Variants in LYN observed in about 807,000 individuals in gnomAD.
The protein encoded by LYN is tyrosine-protein kinase Lyn.
A neutral mutation model predicts 65.0 loss-of-function variants in LYN; 12 were observed. The observed-to-expected ratio is 0.18, with a 90% CI of 0.12 to 0.30. LYN has a LOEUF of 0.30. LYN is among the 10% of genes least tolerant of loss of function. The pLI, the probability that LYN is intolerant of heterozygous loss-of-function variation, is 1.00. For synonymous variants in LYN, 222 were observed against 221.2 expected (o/e 1.00, Z -0.03); for missense variants, 380 against 623.2 (o/e 0.61, Z 4.16).
At chr8:55,988,727 C>T (rs1808154326) in intron 10 of LYN, among the ~76,000 whole-genome samples, 2 of 152,028 alleles carry the variant, frequency 1.3e-5, no homozygotes, top group Non-Finnish European at 2.9e-5. Context: ...AGACAGGTTG[C>T]GTTTTCAGTT....
At chr8:55,907,230 C>A (rs1310363132) in intron 1 of LYN, among the ~76,000 whole-genome samples, 2 of 152,150 alleles carry the variant, frequency 1.3e-5, no homozygotes, top group African/African-American at 4.8e-5. Flanking sequence ...TTGATATATT[C>A]ATAAAATGGG....
chr8:55,987,220 C>T (rs1161959716), intron 10 of LYN, among the ~76,000 whole-genome samples: 1 of 151,962 alleles, frequency 6.6e-6, no homozygotes, highest in African/African-American at 2.4e-5. Context: ...CGAGACCACA[C>T]TGGGGAACAT....
chr8:55,986,185 T>TCCCC lies in LYN; in HGVS notation c.1051-12157_1051-12154dup, dbSNP rs66520008. On this transcript the variant is annotated intron_variant, in intron 10 of 12. Transcript: ENST00000519728. ...GTCTCAAAAAAAAAATCCACCAGAA[T>TCCCC]CCCCCCCGCAAAAAAAAACGCTACC... 8.7e-3 allele frequency among the ~76,000 whole-genome samples: 1,230 copies of TCCCC among 141,840 alleles called. 18 individuals carry two copies. The highest frequency in any genetic ancestry group is 0.015 in the Non-Finnish European group (941 of 64,726). The allele number at this position is 141,840 out of a possible 152,430, so 93.1% of individuals were successfully genotyped here. A position where few individuals can be genotyped will look rare whatever the true frequency, so the allele number is the denominator to read the frequency against.
intron 10 of LYN, among the ~76,000 whole-genome samples, chr8:55,975,368 G>A (rs1335125923): frequency 6.6e-6 from 1 of 152,176 alleles, no homozygotes; most frequent in Non-Finnish European, 1.5e-5. Flanking sequence ...TCACTTTGTG[G>A]GCACCAGTGT....
chr8:55,941,914 T>A lies in LYN; in HGVS notation c.55T>A (p.Leu19Met). The change falls in exon 2 of 13, where the codon TTG becomes ATG. Residue 19 changes from leucine (L) to methionine (M), a missense_variant. Coordinates refer to ENST00000519728, the MANE Select transcript of LYN (RefSeq NM_002350.4). ...CAGCTTGAGTGACGATGGAGTAGAT[T>A]TGAAGACTCAACCAGTACGTAATAC... ...KDSLSDDGVD[L>M]KTQPVRNTER... The A allele has an allele frequency of 1.2e-6, 2 of 1,612,776 alleles. No homozygotes were observed. Among genetic ancestry groups the A allele is most frequent in the Non-Finnish European group, 1.7e-6 (2 of 1,178,948 alleles).
chr8:56,003,673 CAAA>C (rs1433810331), intron 12 of LYN, among the ~76,000 whole-genome samples: 1 of 86,468 alleles, frequency 1.2e-5, no homozygotes, highest in African/African-American at 4.5e-5. Context: ...GACTCTGTCT[CAAA>C]AAAAAAAAAA....
At chr8:55,901,119 G>A (rs755781051) in intron 1 of LYN, among the ~76,000 whole-genome samples, 3 of 152,150 alleles carry the variant, frequency 2.0e-5, no homozygotes, top group South Asian at 2.1e-4. Context: ...TGGGCACTTC[G>A]TGGCCGTGTG....
chr8:56,006,499 A>G (rs1808677795), intron 12 of LYN, among the ~76,000 whole-genome samples: 2 of 152,108 alleles, frequency 1.3e-5, no homozygotes, highest in African/African-American at 4.8e-5. Flanking sequence ...TCTCTACTGT[A>G]CCACATTTTT....
intron 1 of LYN, among the ~76,000 whole-genome samples, chr8:55,917,722 C>T (rs1320785496): frequency 6.6e-6 from 1 of 152,126 alleles, no homozygotes; most frequent in Non-Finnish European, 1.5e-5. Context: ...CAGGAAGGAT[C>T]CCAGATTCAA....
chr8:55,981,439 G>A (rs756231240), intron 10 of LYN, among the ~76,000 whole-genome samples: 18 of 152,134 alleles, frequency 1.2e-4, no homozygotes, highest in South Asian at 2.1e-4. Flanking sequence ...ACTATATTCC[G>A]TTTAAAACAA....
rs1333658410 is a variant in LYN, at chr8:55,911,076, T to TATACACACAC, written c.-5-30778_-5-30777insTACACACACA. Among the ~76,000 whole-genome samples the TATACACACAC allele has an allele frequency of 0.048, 477 of 10,008 alleles. 121 individuals carry two copies. In the East Asian group the frequency reaches 0.62, roughly 13 times the overall value. 6.6% of individuals were successfully genotyped at this position (10,008 alleles called of 152,430 possible). A position where few individuals can be genotyped will look rare whatever the true frequency, so the allele number is the denominator to read the frequency against. The stretch of plus-strand genomic sequence containing the variant: ...CATGTCCGGCTAATTTATATATATA[T>TATACACACAC]ACATACATATATATATATATATACA... On this transcript the variant is annotated intron_variant, in intron 1 of 12. Coordinates refer to ENST00000519728, the MANE Select transcript of LYN (RefSeq NM_002350.4).
intron 9 of LYN, among the ~76,000 whole-genome samples, chr8:55,968,844 C>G (rs112159623): frequency 6.6e-6 from 1 of 152,326 alleles, no homozygotes; most frequent in East Asian, 1.9e-4. Context: ...CCAAGGCTAC[C>G]CGTAAGGCTG....
chr8:55,980,018 C>T (rs1470708948), intron 10 of LYN, among the ~76,000 whole-genome samples: 4 of 152,214 alleles, frequency 2.6e-5, no homozygotes, highest in South Asian at 2.1e-4. Flanking sequence ...GGCTCAGAGC[C>T]CATGTGCACA....
At chr8:55,969,198 G>A (rs888571253) in intron 9 of LYN, among the ~76,000 whole-genome samples, 2 of 152,202 alleles carry the variant, frequency 1.3e-5, no homozygotes, top group Non-Finnish European at 2.9e-5. Context: ...GCTTGAGCTT[G>A]GGAGGCTGAT....
intron 1 of LYN, among the ~76,000 whole-genome samples, chr8:55,882,699 T>G (rs1804685818): frequency 1.3e-5 from 2 of 152,224 alleles, no homozygotes; most frequent in African/African-American, 4.8e-5. Context: ...TTAGCACCTT[T>G]CATTTGTTCA....
At chr8:55,888,405 G>C (rs1465489481) in intron 1 of LYN, among the ~76,000 whole-genome samples, 1 of 152,162 alleles carries the variant, frequency 6.6e-6, no homozygotes, top group Non-Finnish European at 1.5e-5. Flanking sequence ...TTAACGAAGG[G>C]GAATCACTGG....
intron 10 of LYN, among the ~76,000 whole-genome samples, chr8:55,977,196 TAAAAATAAAAATAAACTA>T: frequency 6.6e-6 from 1 of 151,476 alleles, no homozygotes; most frequent in Non-Finnish European, 1.5e-5. Flanking sequence ...AAAAAAAAAA[TAAAAATAAAAATAAACTA>T]GACCGGTTCA....
chr8:55,903,893 G>A (rs1249812596), intron 1 of LYN, among the ~76,000 whole-genome samples: 13 of 152,122 alleles, frequency 8.5e-5, no homozygotes, highest in Non-Finnish European at 1.6e-4. Context: ...GCATGGCCCT[G>A]TAGTCCCAGC....
At chr8:55,945,623 A>G (rs1806752858) in intron 2 of LYN, among the ~76,000 whole-genome samples, 1 of 152,260 alleles carries the variant, frequency 6.6e-6, no homozygotes, top group African/African-American at 2.4e-5. Flanking sequence ...ATCTTACAAG[A>G]GGCCCAGAGG....
Sources: gnomAD v4.1 joint callset for allele counts (sites outside exome capture counted in the v4.1 genomes callset) on GRCh38, gnomAD v4.1.1 for gene constraint, MANE v1.5 for transcripts, NCBI Gene and HGNC (gene_info 2026-07-23, HGNC 2026-07-21) for gene names.